The following WASHC5 variants were observed in gnomAD, a reference collection of about 807,000 sequenced individuals.
WASHC5 encodes WASH complex subunit 5.
WASHC5 carries 101 observed loss-of-function variants against 150.4 expected under a neutral mutation model. The observed-to-expected ratio is 0.67, with a 90% CI of 0.57 to 0.79. The LOEUF is 0.79. WASHC5 is among the 30% of genes least tolerant of loss of function. The probability of loss-of-function intolerance (pLI) is 0.00; values close to 1 mark genes in which losing one functional copy is unlikely to be tolerated. For missense variants in WASHC5, 1,195 were observed against 1,396.3 expected (o/e 0.86, Z 2.30); for synonymous variants, 467 against 491.2 (o/e 0.95, Z 0.65).
intron 9 of WASHC5, among the ~76,000 whole-genome samples, 162 bp downstream of exon 9, chr8:125,072,991 G>T (rs1236377357): frequency 6.6e-6 from 1 of 152,186 alleles, no homozygotes; most frequent in Non-Finnish European, 1.5e-5. Context: ...AGGTATGCTA[G>T]TGGCCTATCC....
chr8:125,036,420 T>G (rs1815707600), intron 26 of WASHC5, among the ~76,000 whole-genome samples: 1 of 152,174 alleles, frequency 6.6e-6, no homozygotes, highest in Non-Finnish European at 1.5e-5. Flanking sequence ...GCCTGTAATC[T>G]CAGCCCTTTA....
intron 17 of WASHC5, among the ~76,000 whole-genome samples, chr8:125,053,175 A>G (rs1200887621): frequency 2.0e-5 from 3 of 151,522 alleles, no homozygotes; most frequent in African/African-American, 7.3e-5. Context: ...GTTTTAAGTC[A>G]ATATCAACCA....
Position 125,076,744 on chromosome 8 carries a change from TAA to T in WASHC5, c.712-246_712-245del, listed in dbSNP as rs59580091. Among the ~76,000 whole-genome samples the T allele has an allele frequency of 2.7e-3, 353 of 132,168 alleles. 2 individuals carry two copies. Among genetic ancestry groups the T allele is most frequent in the African/African-American group, 5.3e-3 (168 of 31,470 alleles). The allele number at this position is 132,168 out of a possible 152,430, so 86.7% of individuals were successfully genotyped here. On this transcript the variant is annotated intron_variant, in intron 6 of 28. Transcript: ENST00000318410. ...ACCGCTGCAATTCTAAGTCTTTTCT[TAA>T]AAAAAAAAAAAAAAAGTCCCATTCC...
chr8:125,028,957 C>G (rs1586329701), intron 27 of WASHC5, among the ~76,000 whole-genome samples: 1 of 152,002 alleles, frequency 6.6e-6, no homozygotes, highest in Non-Finnish European at 1.5e-5. Context: ...TCCCTGCTAT[C>G]TATCCAGACT....
In WASHC5 at chr8:125,044,031, T is replaced by G; in HGVS notation, c.2731A>C (p.Thr911Pro). The G allele has an allele frequency of 6.2e-7, 1 of 1,613,174 alleles. No homozygotes were observed. Among genetic ancestry groups the G allele is most frequent in the Non-Finnish European group, 8.5e-7 (1 of 1,179,584 alleles). The part of the protein sequence containing the change: ...RDRTVQDTLK[T>P]LMNAVSPLKS... ...AGGGGACTGACAGCATTCATGAGGGTTTTTAAAGTGTCCTGAACAGTTCTG... is the reference window on the plus strand; with the variant it reads ...AGGGGACTGACAGCATTCATGAGGGGTTTTAAAGTGTCCTGAACAGTTCTG... The change falls in exon 22 of 29, where the codon ACC (threonine) becomes CCC (proline). Residue 911 changes from threonine to proline, a missense_variant. Thr to Pro is a conservative substitution (Grantham distance 38, BLOSUM62 -1). Around this residue, in one of 3 missense-constraint regions of WASHC5, gnomAD observed 997 missense variants for 1,168.1 expected, o/e 0.85. Transcript: ENST00000318410.
intron 2 of WASHC5, 48 bp downstream of exon 2, chr8:125,083,665 C>A: frequency 6.9e-7 from 1 of 1,456,510 alleles, no homozygotes; most frequent in Non-Finnish European, 9.5e-7. Context: ...AGAGAAAACA[C>A]GCTTTTGTAG....
At chr8:125,039,013 A>G in intron 24 of WASHC5, 54 bp from the exon 25 acceptor site, 1 of 1,562,824 alleles carries the variant, frequency 6.4e-7, no homozygotes, top group Non-Finnish European at 8.8e-7. Flanking sequence ...GAATTTATAC[A>G]AGAGTTAATA....
chr8:125,062,987 C>T (rs914787031), intron 11 of WASHC5, among the ~76,000 whole-genome samples: 1 of 151,890 alleles, frequency 6.6e-6, no homozygotes, highest in Non-Finnish European at 1.5e-5. Context: ...TGTGTTTTTT[C>T]AAAACTAGTC....
At chr8:125,036,405 C>T (rs1815706993) in intron 26 of WASHC5, among the ~76,000 whole-genome samples, 1 of 152,222 alleles carries the variant, frequency 6.6e-6, no homozygotes, top group Non-Finnish European at 1.5e-5. Flanking sequence ...GGCACAATGG[C>T]TCACGCCTGT....
At chr8:125,026,765 A>G (rs1175939349) in intron 28 of WASHC5, among the ~76,000 whole-genome samples, 1 of 152,108 alleles carries the variant, frequency 6.6e-6, no homozygotes, top group African/African-American at 2.4e-5. Flanking sequence ...ATTTAGTTGC[A>G]TACCAGTAGC....
rs1225692148 is a variant in WASHC5, at chr8:125,050,627, T to C, written c.2136A>G (p.Lys712=). The C allele has an allele frequency of 6.2e-7, 1 of 1,614,180 alleles. No homozygotes were observed. Among genetic ancestry groups the C allele is most frequent in the Non-Finnish European group, 8.5e-7 (1 of 1,179,986 alleles). ...CAAAGGCAACGCGCTTCACAAGCTC[T>C]TTCCTTATTCCATCTTCCAGCAACT... The part of the protein sequence containing the change: ...PKQLLEDGIR[K]ELVKRVAFAL... The change falls in exon 18 of 29, where the codon AAA becomes AAG. Residue 712 remains lysine, a synonymous_variant. Coordinates refer to ENST00000318410, the MANE Select transcript of WASHC5 (RefSeq NM_014846.4).
intron 26 of WASHC5, among the ~76,000 whole-genome samples, chr8:125,034,350 T>C (rs1563608915): frequency 1.3e-5 from 2 of 151,972 alleles, no homozygotes; most frequent in African/African-American, 2.4e-5. Context: ...AATACAAAAA[T>C]TACCCGAGCA....
At chr8:125,030,677 C>A (rs1037075610) in intron 27 of WASHC5, among the ~76,000 whole-genome samples, 1 of 143,144 alleles carries the variant, frequency 7.0e-6, no homozygotes, top group Non-Finnish European at 1.5e-5. Flanking sequence ...CTCATCACTG[C>A]AATTGTAGCT....
intron 28 of WASHC5, among the ~76,000 whole-genome samples, chr8:125,026,184 T>C (rs1815375638): frequency 6.6e-6 from 1 of 152,220 alleles, no homozygotes; most frequent in Admixed American, 6.5e-5. Context: ...GTAATTTTCG[T>C]ATTTGGATTT....
chr8:125,037,555 C>T (rs1815752585), intron 25 of WASHC5, among the ~76,000 whole-genome samples: 1 of 152,156 alleles, frequency 6.6e-6, no homozygotes, highest in Non-Finnish European at 1.5e-5. Context: ...GGGAAGAAAA[C>T]AATTTTGCTT....
intron 17 of WASHC5, 22 bp from the exon 18 acceptor site, chr8:125,050,687 TA>T (rs1447292554): frequency 1.3e-6 from 2 of 1,583,042 alleles, no homozygotes; most frequent in African/African-American, 2.7e-5. Flanking sequence ...TCAAAAGTAT[TA>T]AATGATAGTT....
At chr8:125,077,606 A>G (rs1302727127) in intron 6 of WASHC5, among the ~76,000 whole-genome samples, 2 of 152,204 alleles carry the variant, frequency 1.3e-5, no homozygotes, top group Non-Finnish European at 2.9e-5. Flanking sequence ...ACGTGGAATG[A>G]GAGGCAATCA....
intron 28 of WASHC5, among the ~76,000 whole-genome samples, chr8:125,027,250 C>T (rs1380302302): frequency 6.6e-6 from 1 of 151,860 alleles, no homozygotes; most frequent in African/African-American, 2.4e-5. Context: ...GACAGTTATG[C>T]AGCAATCCCA....
chr8:125,065,798 G>A (rs907745031), intron 10 of WASHC5, among the ~76,000 whole-genome samples: 1 of 151,988 alleles, frequency 6.6e-6, no homozygotes, highest in African/African-American at 2.4e-5. Flanking sequence ...TGTATTTTTA[G>A]TACAGATGGG....
Sources: gnomAD v4.1 joint callset for allele counts (sites outside exome capture counted in the v4.1 genomes callset) on GRCh38, gnomAD v4.1.1 for gene constraint, gnomAD v4.1.1 regional missense constraint, MANE v1.5 for transcripts, NCBI Gene and HGNC (gene_info 2026-07-23, HGNC 2026-07-21) for gene names.